SMARCC1: variants seen among roughly 807,000 people sequenced by gnomAD.
SMARCC1 encodes the protein SWI/SNF related BAF chromatin remodeling complex subunit C1, also known as SWI/SNF complex subunit SMARCC1.
Under a neutral mutation model 147.4 loss-of-function variants are expected in SMARCC1, and 43 were observed. The ratio of observed to expected loss-of-function variants is 0.29; its 90% CI spans 0.23 to 0.38. SMARCC1 has a LOEUF of 0.38. Among genes scored for constraint, SMARCC1 ranks in the 10% least tolerant of loss-of-function variants. The pLI is 1.00. For synonymous variants in SMARCC1, 495 were observed against 484.4 expected (o/e 1.02, Z -0.29); for missense variants, 1,119 against 1,381.1 (o/e 0.81, Z 3.01).
Position 47,605,307 on chromosome 3 carries a change from C to A in SMARCC1, c.3043+4759G>T, listed in dbSNP as rs77158562. On this transcript the variant is annotated intron_variant, in intron 26 of 27. Transcript: ENST00000254480. ...TCAAAAGACGTGCTCATGTATTTCACAACAGCACAAACTATTCATAATAAC... is the reference window on the plus strand; with the variant it reads ...TCAAAAGACGTGCTCATGTATTTCAAAACAGCACAAACTATTCATAATAAC... Among the ~76,000 whole-genome samples the A allele has an allele frequency of 4.2e-3, 644 of 152,306 alleles. 7 individuals carry two copies. The highest frequency in any genetic ancestry group is 0.015 in the African/African-American group (621 of 41,546).
At chr3:47,756,287 A>T (rs1037733836) in intron 2 of SMARCC1, among the ~76,000 whole-genome samples, 2 of 151,974 alleles carry the variant, frequency 1.3e-5, no homozygotes, top group African/African-American at 4.8e-5. Flanking sequence ...TAATCCTACC[A>T]CTTTGGGAGG....
At chr3:47,731,896 C>T (rs571055713) in intron 5 of SMARCC1, among the ~76,000 whole-genome samples, 5 of 152,300 alleles carry the variant, frequency 3.3e-5, no homozygotes, top group African/African-American at 9.6e-5. Context: ...GAATGGCAAA[C>T]GACCATTGGC....
At chr3:47,735,997 C>G in intron 5 of SMARCC1, 37 bp downstream of exon 5, 1 of 922,824 alleles carries the variant, frequency 1.1e-6, no homozygotes. Flanking sequence ...ATGAAGTGAT[C>G]GTGTCTATTA....
intron 18 of SMARCC1, 104 bp from the exon 19 acceptor site, chr3:47,670,821 C>A (rs2033485478): frequency 1.3e-6 from 1 of 754,160 alleles, no homozygotes; most frequent in East Asian, 2.5e-5. Flanking sequence ...CGCAAACTAT[C>A]ATGGTAAGTC....
intron 1 of SMARCC1, among the ~76,000 whole-genome samples, chr3:47,775,584 T>A (rs2034964948): frequency 6.6e-6 from 1 of 150,460 alleles, no homozygotes; most frequent in Admixed American, 6.6e-5. Context: ...CCAACCTGAC[T>A]AAAGCAGTGA....
chr3:47,641,327 C>G (rs999305148), intron 21 of SMARCC1, among the ~76,000 whole-genome samples: 46 of 151,988 alleles, frequency 3.0e-4, no homozygotes, highest in African/African-American at 1.0e-3. Flanking sequence ...TGTCCACAAA[C>G]TATACAAAAA....
intron 11 of SMARCC1, among the ~76,000 whole-genome samples, chr3:47,697,814 T>C (rs1198161132): frequency 1.3e-5 from 2 of 151,092 alleles, no homozygotes; most frequent in Non-Finnish European, 3.0e-5. Context: ...GAGACCATCC[T>C]GGCTAACATG....
At chr3:47,736,629 A>G (rs1443990538) in intron 4 of SMARCC1, among the ~76,000 whole-genome samples, 2 of 151,930 alleles carry the variant, frequency 1.3e-5, no homozygotes, top group Admixed American at 6.6e-5. Context: ...GTGAGCCGAG[A>G]TCACACCACT....
intron 26 of SMARCC1, among the ~76,000 whole-genome samples, chr3:47,592,692 A>G (rs1266633059): frequency 6.6e-6 from 1 of 152,144 alleles, no homozygotes; most frequent in Non-Finnish European, 1.5e-5. Context: ...TCAACCACAT[A>G]AACTCAAGCG....
intron 21 of SMARCC1, among the ~76,000 whole-genome samples, chr3:47,660,911 A>C (rs993861410): frequency 1.3e-5 from 2 of 152,216 alleles, no homozygotes; most frequent in African/African-American, 4.8e-5. Flanking sequence ...CCTCAGCTAA[A>C]AAAACCCCCA....
At chr3:47,639,282 C>A (rs568614306) in intron 21 of SMARCC1, among the ~76,000 whole-genome samples, 3 of 152,258 alleles carry the variant, frequency 2.0e-5, no homozygotes, top group East Asian at 3.9e-4. Context: ...AAGAGGATAT[C>A]ATTTTGGCTA....
chr3:47,703,297 G>A (rs1184478626), intron 10 of SMARCC1, among the ~76,000 whole-genome samples: 2 of 152,192 alleles, frequency 1.3e-5, no homozygotes, highest in Non-Finnish European at 2.9e-5. Flanking sequence ...AGCCACTGAG[G>A]AGGACTGCTT....
At position 47,588,267 on chromosome 3, in the gene SMARCC1, G is replaced by T; in HGVS notation, c.3260C>A (p.Pro1087His). 2 of 1,614,046 alleles carry T rather than the reference G, an allele frequency of 1.2e-6. No homozygotes were observed. Among genetic ancestry groups the T allele is most frequent in the Non-Finnish European group, 1.7e-6 (2 of 1,179,942 alleles). Reference protein sequence around the residue: ...PPQQQPPPPPPADGVPPPPAP... With the variant: ...PPQQQPPPPPHADGVPPPPAP... ...AGGAGGCGGAGGGACCCCATCTGCA[G>T]GTGGTGGTGGCGGTGGCTGCTGCTG... The change falls in exon 28 of 28, where the codon CCT becomes CAT. Residue 1087 changes from proline (P) to histidine (H), a missense_variant. This residue lies in a region of SMARCC1 where 186 missense variants were observed against 216.5 expected (regional missense o/e 0.86). Coordinates refer to ENST00000254480, the MANE Select transcript of SMARCC1 (RefSeq NM_003074.4).
chr3:47,699,122 A>G (rs1225031209), intron 11 of SMARCC1, among the ~76,000 whole-genome samples: 2 of 152,178 alleles, frequency 1.3e-5, no homozygotes, highest in Non-Finnish European at 2.9e-5. Flanking sequence ...CAACACTAAT[A>G]TAGGCAAAAA....
At chr3:47,671,795 T>C (rs2033506020) in intron 18 of SMARCC1, among the ~76,000 whole-genome samples, 1 of 152,194 alleles carries the variant, frequency 6.6e-6, no homozygotes, top group South Asian at 2.1e-4. Context: ...AAAACTCTAT[T>C]TTGAGAGATT....
At chr3:47,619,488 C>T (rs1213158460) in intron 25 of SMARCC1, among the ~76,000 whole-genome samples, 2 of 152,180 alleles carry the variant, frequency 1.3e-5, no homozygotes, top group East Asian at 3.8e-4. Context: ...GCCATGCCAC[C>T]CACAGCTGAG....
At chr3:47,678,083 C>G in intron 16 of SMARCC1, 115 bp downstream of exon 16, 2 of 485,454 alleles carry the variant, frequency 4.1e-6, no homozygotes, top group South Asian at 6.3e-5. Flanking sequence ...AATGGCATAA[C>G]TAAAATTAGG....
At chr3:47,684,052 A>G (rs2033688522) in intron 14 of SMARCC1, among the ~76,000 whole-genome samples, 1 of 152,186 alleles carries the variant, frequency 6.6e-6, no homozygotes, top group Non-Finnish European at 1.5e-5. Flanking sequence ...GGAGATCGAG[A>G]CCACGGTGAA....
chr3:47,749,414 A>T (rs1286350654), intron 2 of SMARCC1, among the ~76,000 whole-genome samples: 1 of 152,066 alleles, frequency 6.6e-6, no homozygotes, highest in African/African-American at 2.4e-5. Context: ...TAAAACCAGC[A>T]CTTTGGGAGG....
Sources: gnomAD v4.1 joint callset for allele counts (sites outside exome capture counted in the v4.1 genomes callset) on GRCh38, gnomAD v4.1.1 for gene constraint, gnomAD v4.1.1 regional missense constraint, MANE v1.5 for transcripts, NCBI Gene and HGNC (gene_info 2026-07-23, HGNC 2026-07-21) for gene names.